KSR2: variants seen among roughly 807,000 people sequenced by gnomAD.
KSR2 encodes the protein kinase suppressor of ras 2.
KSR2 carries 25 observed loss-of-function variants against 107.8 expected under a neutral mutation model. That is an observed-to-expected ratio of 0.23 (90% CI 0.17 to 0.32). The LOEUF (loss-of-function observed/expected upper bound fraction) is 0.32. Ranked by LOEUF, KSR2 falls within the 10% of genes least tolerant of loss-of-function variation. The pLI is 1.00. For missense variants in KSR2, 887 were observed against 1,268.9 expected (o/e 0.70, Z 4.57); for synonymous variants, 480 against 507.0 (o/e 0.95, Z 0.71).
At chr12:117,509,342 G>A (rs966997333) in intron 14 of KSR2, among the ~76,000 whole-genome samples, 3 of 152,054 alleles carry the variant, frequency 2.0e-5, no homozygotes, top group Middle Eastern at 3.2e-3. Context: ...AAACAGCACC[G>A]TGTTTTCCCC....
intron 14 of KSR2, among the ~76,000 whole-genome samples, chr12:117,518,686 C>G (rs556113469): frequency 6.6e-6 from 1 of 152,352 alleles, no homozygotes; most frequent in Admixed American, 6.5e-5. Flanking sequence ...ACATTCCTTT[C>G]TATGGCATTC....
intron 1 of KSR2, among the ~76,000 whole-genome samples, chr12:117,946,729 A>G (rs1208995759): frequency 6.6e-6 from 1 of 152,196 alleles, no homozygotes. Flanking sequence ...TCAGCAAAAT[A>G]CTAACAAATT....
At chr12:117,784,249 G>A (rs2136953325) in intron 3 of KSR2, among the ~76,000 whole-genome samples, 1 of 152,192 alleles carries the variant, frequency 6.6e-6, no homozygotes, top group Non-Finnish European at 1.5e-5. Context: ...TGAATCATGG[G>A]GGCAGTTTCC....
intron 14 of KSR2, among the ~76,000 whole-genome samples, chr12:117,493,845 G>A (rs1178416144): frequency 8.5e-5 from 13 of 152,122 alleles, no homozygotes; most frequent in Middle Eastern, 3.2e-3. Flanking sequence ...TAAGTCTCAC[G>A]AGATCTAATG....
intron 3 of KSR2, among the ~76,000 whole-genome samples, chr12:117,778,448 A>T (rs1889771696): frequency 6.6e-6 from 1 of 152,238 alleles, no homozygotes; most frequent in Non-Finnish European, 1.5e-5. Flanking sequence ...CAGTATTGGT[A>T]TCATGCACCT....
chr12:117,677,315 T>G (rs1470640396), intron 4 of KSR2: 1 of 152,082 alleles, frequency 6.6e-6, no homozygotes, highest in African/African-American at 2.4e-5. Flanking sequence ...GTGACTAAGC[T>G]TAAATGACAT....
chr12:117,664,392 C>G (rs924791653), intron 5 of KSR2, among the ~76,000 whole-genome samples: 2 of 152,206 alleles, frequency 1.3e-5, no homozygotes, highest in Non-Finnish European at 2.9e-5. Context: ...GGCAGACAGA[C>G]TGAGCCTGGC....
chr12:117,880,713 CT>C (rs545456495), intron 1 of KSR2, among the ~76,000 whole-genome samples: 1,743 of 116,660 alleles, frequency 0.015, 13 homozygotes, highest in African/African-American at 0.035. Context: ...TTGCCAGATT[CT>C]TTTTTTTTTT....
At chr12:117,537,145 G>A (rs867552499) in intron 10 of KSR2, among the ~76,000 whole-genome samples, 12 of 152,142 alleles carry the variant, frequency 7.9e-5, no homozygotes, top group African/African-American at 2.9e-4. Flanking sequence ...CCCGGGAGGT[G>A]GAGGTTGCAG....
intron 1 of KSR2, among the ~76,000 whole-genome samples, chr12:117,950,713 C>A (rs1282427599): frequency 1.4e-5 from 2 of 145,206 alleles, no homozygotes; most frequent in African/African-American, 5.1e-5. Context: ...TGCATCCTAG[C>A]CTGGGTGACA....
chr12:117,651,559 A>G (rs1273235702), intron 5 of KSR2, among the ~76,000 whole-genome samples: 1 of 152,188 alleles, frequency 6.6e-6, no homozygotes, highest in African/African-American at 2.4e-5. Context: ...TCTGCATTTA[A>G]TGTTGCATAT....
chr12:117,961,001 A>G (rs1213420426), intron 1 of KSR2, among the ~76,000 whole-genome samples: 1 of 151,780 alleles, frequency 6.6e-6, no homozygotes, highest in Non-Finnish European at 1.5e-5. Flanking sequence ...GCTTCACCAC[A>G]TTGTCCAGAC....
intron 4 of KSR2, among the ~76,000 whole-genome samples, chr12:117,715,186 A>T (rs1277565871): frequency 6.6e-6 from 1 of 152,220 alleles, no homozygotes; most frequent in East Asian, 1.9e-4. Context: ...GTTTCTCTCC[A>T]GTGAGGCAAT....
intron 5 of KSR2, among the ~76,000 whole-genome samples, chr12:117,656,594 A>G (rs1474477725): frequency 6.6e-6 from 1 of 152,242 alleles, no homozygotes; most frequent in Non-Finnish European, 1.5e-5. Context: ...AGCCTGGGCA[A>G]CAAGAGTGAA....
chr12:117,571,239 CAG>C (rs948803516), intron 7 of KSR2, among the ~76,000 whole-genome samples: 8 of 152,078 alleles, frequency 5.3e-5, no homozygotes, highest in African/African-American at 1.9e-4. Context: ...TCCTGGGCAA[CAG>C]AGTGAGACTC....
chr12:117,733,007 C>T (rs911512462), intron 4 of KSR2, among the ~76,000 whole-genome samples: 3 of 152,152 alleles, frequency 2.0e-5, no homozygotes, highest in Non-Finnish European at 4.4e-5. Flanking sequence ...ATCAGAGCCA[C>T]GCTCTGCTGT....
chr12:117,748,942 G>T (rs1888512892), intron 4 of KSR2, among the ~76,000 whole-genome samples: 1 of 151,696 alleles, frequency 6.6e-6, no homozygotes, highest in Non-Finnish European at 1.5e-5. Flanking sequence ...GACAACTGGG[G>T]CTGTCCCTCT....
At chr12:117,644,039 T>C (rs185333001) in intron 5 of KSR2, among the ~76,000 whole-genome samples, 1 of 152,304 alleles carries the variant, frequency 6.6e-6, no homozygotes, top group East Asian at 1.9e-4. Flanking sequence ...CTGTCTGTCG[T>C]CCATCCCAGG....
At chr12:117,656,955 TATAATAGG>T (rs1359946538) in intron 5 of KSR2, among the ~76,000 whole-genome samples, 273 of 97,456 alleles carry the variant, frequency 2.8e-3, no homozygotes, top group African/African-American at 0.011. Context: ...TATATATATA[TATAATAGG>T]ATATATATAT....
Sources: gnomAD v4.1 joint callset for allele counts (sites outside exome capture counted in the v4.1 genomes callset) on GRCh38, gnomAD v4.1.1 for gene constraint, MANE v1.5 for transcripts, NCBI Gene and HGNC (gene_info 2026-07-23, HGNC 2026-07-21) for gene names.